The following ZNF454 variants were observed in gnomAD, a reference collection of about 807,000 sequenced individuals.
ZNF454 encodes the protein zinc finger protein 454.
ZNF454 carries 30 observed loss-of-function variants against 48.2 expected under a neutral mutation model. That is an observed-to-expected ratio of 0.62 (90% CI 0.47 to 0.84). The LOEUF (loss-of-function observed/expected upper bound fraction) is 0.84. Ranked by LOEUF, ZNF454 falls within the 40% of genes least tolerant of loss-of-function variation. The pLI is 0.00. For missense variants in ZNF454, 510 were observed against 623.1 expected, an observed-to-expected ratio of 0.82 and a Z score of 1.93; for synonymous variants, 204 against 211.4, an observed-to-expected ratio of 0.97 and a Z score of 0.30.
chr5:178,962,562 A>C (rs1760037314), intron 4 of ZNF454, among the ~76,000 whole-genome samples: 1 of 151,730 alleles, frequency 6.6e-6, no homozygotes, highest in Non-Finnish European at 1.5e-5. Context: ...TCTCAGTTCT[A>C]GAATTTCCAT....
At chr5:178,976,367 C>T in the ZNF454 span, among the ~76,000 whole-genome samples, 910 of 152,230 alleles carry the variant, frequency 6.0e-3, 9 homozygotes, top group African/African-American at 0.021. Context: ...GGAAGCAGTT[C>T]CTGTCTATTT....
At chr5:178,952,190 A>C (rs1294722038) in intron 4 of ZNF454, among the ~76,000 whole-genome samples, 1 of 152,084 alleles carries the variant, frequency 6.6e-6, no homozygotes, top group Admixed American at 6.5e-5. Flanking sequence ...GGCGCCCGCC[A>C]CTGCTCCCGG....
intron 4 of ZNF454, among the ~76,000 whole-genome samples, chr5:178,949,133 T>C (rs1759458740): frequency 6.6e-6 from 1 of 152,108 alleles, no homozygotes; most frequent in Non-Finnish European, 1.5e-5. Flanking sequence ...AACTGCAACC[T>C]CCGTTCTCCC....
chr5:178,945,110 T>C (rs1051083086), intron 2 of ZNF454, among the ~76,000 whole-genome samples: 26 of 144,462 alleles, frequency 1.8e-4, no homozygotes, highest in Non-Finnish European at 2.7e-4. Context: ...CGGGTGTGTG[T>C]GCGCGCTTGC....
intron 2 of ZNF454, among the ~76,000 whole-genome samples, chr5:178,943,332 A>C (rs1238521116): frequency 5.9e-5 from 9 of 152,120 alleles, no homozygotes. Context: ...AAAGGGAGCA[A>C]GAGAGAGAAG....
the ZNF454 span, among the ~76,000 whole-genome samples, chr5:178,973,703 T>C: frequency 1.3e-5 from 2 of 151,994 alleles, no homozygotes; most frequent in Admixed American, 1.3e-4. Context: ...AATTAGCCGG[T>C]GTGGTGGCGG....
At chr5:178,986,846 T>A in the ZNF454 span, 4 of 1,613,896 alleles carry the variant, frequency 2.5e-6, no homozygotes, top group Non-Finnish European at 2.5e-6. Context: ...ACATCCAGTC[T>A]GAGGGTCTCT....
chr5:178,953,413 C>T (rs1350874539), intron 4 of ZNF454, among the ~76,000 whole-genome samples: 14 of 152,170 alleles, frequency 9.2e-5, no homozygotes, highest in Non-Finnish European at 2.1e-4. Context: ...TTATTTCTCT[C>T]ATTGTCTTCA....
At chr5:178,983,100 A>G in the ZNF454 span, 2 of 1,614,088 alleles carry the variant, frequency 1.2e-6, no homozygotes, top group African/African-American at 1.3e-5. Context: ...GATGAGAGAC[A>G]GATCCGACAT....
downstream of ZNF454, among the ~76,000 whole-genome samples, chr5:178,970,809 A>G (rs1415531903): frequency 6.6e-6 from 1 of 152,216 alleles, no homozygotes; most frequent in Non-Finnish European, 1.5e-5. Flanking sequence ...TCTAAGATGT[A>G]CAAGTTGCAT....
At chr5:178,983,031 G>A in the ZNF454 span, 10 of 1,614,030 alleles carry the variant, frequency 6.2e-6, no homozygotes, top group Non-Finnish European at 8.5e-6. Context: ...CACGCCACGG[G>A]CCTTGATGGC....
intron 4 of ZNF454, among the ~76,000 whole-genome samples, chr5:178,962,679 T>C (rs978728031): frequency 6.6e-6 from 1 of 151,812 alleles, no homozygotes; most frequent in Non-Finnish European, 1.5e-5. Context: ...GGTATCTGTG[T>C]TCTACGGTTC....
the ZNF454 span, chr5:178,985,586 C>G: frequency 2.9e-6 from 1 of 348,066 alleles, no homozygotes; most frequent in Non-Finnish European, 5.6e-6. Flanking sequence ...GCCTGTAGTC[C>G]CAGCTACTCG....
chr5:178,949,175 C>T (rs530164081), intron 4 of ZNF454, among the ~76,000 whole-genome samples: 3 of 152,218 alleles, frequency 2.0e-5, no homozygotes, highest in Admixed American at 1.3e-4. Flanking sequence ...CTCTGCCTCC[C>T]AAGTAGCTGG....
intron 4 of ZNF454, among the ~76,000 whole-genome samples, chr5:178,957,408 A>T (rs1759817046): frequency 1.3e-5 from 2 of 151,178 alleles, no homozygotes; most frequent in South Asian, 2.1e-4. Context: ...TTTATTTTTT[A>T]TTTTATTTTA....
chr5:178,946,426 C>T lies in ZNF454; in HGVS notation c.101C>T (p.Ala34Val). Residue 34 changes from alanine (A) to valine (V), a missense_variant, in exon 3 of 5, where the codon GCC becomes GTC. By Grantham distance (64) the Ala-to-Val change is moderately conservative. Coordinates refer to ENST00000519564, the MANE Select transcript of ZNF454 (RefSeq NM_001178089.3). The surrounding 1 kb of genome is among the most constrained non-coding windows in gnomAD (Gnocchi z 4.5). Reference sequence around the variant, plus strand: ...GAAGAGTGGGGGCAGCTGAGCCCCGCCCAGAGGGCCCTGTACAGGGACGTG... The same window carrying T: ...GAAGAGTGGGGGCAGCTGAGCCCCGTCCAGAGGGCCCTGTACAGGGACGTG... ...TQEEWGQLSP[A>V]QRALYRDVML... The T allele has an allele frequency of 1.2e-6, 2 of 1,613,108 alleles. No homozygotes were observed.
At position 178,966,091 on chromosome 5, in the gene ZNF454, C is replaced by A; in HGVS notation, c.*118C>A. 1 of 965,204 alleles carries A rather than the reference C, an allele frequency of 1.0e-6. No homozygotes were observed. The highest frequency in any genetic ancestry group is 1.5e-6 in the Non-Finnish European group (1 of 654,712). The allele number at this position is 965,204 out of a possible 1,614,324, so 59.8% of individuals were successfully genotyped here. On this transcript the variant is annotated 3_prime_UTR_variant, in exon 5 of 5. Transcript: ENST00000519564. ...TGCATCAAGATAGTCACTTTATTTA[C>A]TGAGGGTCAGGTTTCACAGTGTCAT...
At position 178,941,443 on chromosome 5, in the gene ZNF454, A is replaced by G. The variant is rs1174790640; in HGVS notation, c.-109A>G. On this transcript the variant is annotated splice_region_variant and 5_prime_UTR_variant, in exon 1 of 5. Coordinates refer to ENST00000519564, the MANE Select transcript of ZNF454 (RefSeq NM_001178089.3). The surrounding 1 kb of genome is among the most constrained non-coding windows in gnomAD (Gnocchi z 5.5). The stretch of plus-strand genomic sequence containing the variant: ...GATCGAATGCCCCAAACTTCCCGGA[A>G]TGTATGTCTGAGATTTGATCCCAGA... 1 of 454,194 alleles carries G rather than the reference A, an allele frequency of 2.2e-6. No homozygotes were observed. Among genetic ancestry groups the G allele is most frequent in the Admixed American group, 2.4e-5 (1 of 42,120 alleles). The allele number at this position is 454,194 out of a possible 1,614,324, so 28.1% of individuals were successfully genotyped here.
the ZNF454 span, chr5:178,986,762 C>T: frequency 3.1e-6 from 5 of 1,609,410 alleles, no homozygotes; most frequent in Admixed American, 6.7e-5. Flanking sequence ...ACCTGGGACG[C>T]ACAAAACACA....
Sources: gnomAD v4.1 joint callset for allele counts (sites outside exome capture counted in the v4.1 genomes callset) on GRCh38, gnomAD v4.1.1 for gene constraint, Gnocchi (gnomAD v3.1) non-coding constraint, MANE v1.5 for transcripts, NCBI Gene and HGNC (gene_info 2026-07-23, HGNC 2026-07-21) for gene names.